The following TBC1D5 variants were observed in gnomAD, a reference collection of about 807,000 sequenced individuals.
TBC1D5 encodes the protein TBC1 domain family member 5, also known as TBC1 domain family, member 5.
A neutral mutation model predicts 100.3 loss-of-function variants in TBC1D5; 75 were observed. That is an observed-to-expected ratio of 0.75 (90% CI 0.62 to 0.91). TBC1D5 has a LOEUF of 0.91. Among genes scored for constraint, TBC1D5 ranks in the 40% least tolerant of loss-of-function variants. TBC1D5 has a pLI of 0.00. For missense variants in TBC1D5, 910 were observed against 942.4 expected (o/e 0.97, Z 0.45); for synonymous variants, 323 against 325.6 (o/e 0.99, Z 0.09).
intron 13 of TBC1D5, among the ~76,000 whole-genome samples, chr3:17,351,014 T>A (rs2090506839): frequency 6.6e-6 from 1 of 152,200 alleles, no homozygotes; most frequent in African/African-American, 2.4e-5. Flanking sequence ...AAAGCTCTAA[T>A]ATTCACATAA....
intron 2 of TBC1D5, among the ~76,000 whole-genome samples, chr3:17,551,995 A>C (rs2096478032): frequency 1.3e-5 from 2 of 152,084 alleles, no homozygotes; most frequent in Non-Finnish European, 2.9e-5. Flanking sequence ...TGTTGATACC[A>C]TCTTCAACAT....
At chr3:17,530,062 A>AC in intron 2 of TBC1D5, among the ~76,000 whole-genome samples, 1 of 151,960 alleles carries the variant, frequency 6.6e-6, no homozygotes, top group East Asian at 1.9e-4. Context: ...TGGCGAACAT[A>AC]GTGAAATCCC....
chr3:17,454,706 TGCCTCGGCATCCCAAA>T (rs1171852056), intron 3 of TBC1D5, among the ~76,000 whole-genome samples: 1 of 152,146 alleles, frequency 6.6e-6, no homozygotes, highest in African/African-American at 2.4e-5. Context: ...GTGATCCGCC[TGCCTCGGCATCCCAAA>T]GTATTGGGAT....
intron 8 of TBC1D5, among the ~76,000 whole-genome samples, chr3:17,399,417 A>G (rs1255952244): frequency 6.6e-6 from 1 of 152,154 alleles, no homozygotes; most frequent in East Asian, 1.9e-4. Flanking sequence ...TATGAATGTG[A>G]GAAAACTACA....
At chr3:17,209,671 G>A (rs2072702292) in intron 18 of TBC1D5, among the ~76,000 whole-genome samples, 1 of 152,106 alleles carries the variant, frequency 6.6e-6, no homozygotes. Context: ...CAGTTATAAG[G>A]TTTATCATAA....
At chr3:17,552,971 A>ATTTACCAG (rs2096486430) in intron 2 of TBC1D5, among the ~76,000 whole-genome samples, 1 of 152,184 alleles carries the variant, frequency 6.6e-6, no homozygotes, top group Admixed American at 6.5e-5. Flanking sequence ...TTTACTATTA[A>ATTTACCAG]TGTTTTAGCC....
chr3:17,698,837 CAT>C (rs2072620693), intron 1 of TBC1D5, among the ~76,000 whole-genome samples: 1 of 145,870 alleles, frequency 6.9e-6, no homozygotes, highest in Non-Finnish European at 1.5e-5. Flanking sequence ...ATCAAAACCA[CAT>C]GAGATATCAT....
At chr3:17,489,572 T>C (rs2095612689) in intron 3 of TBC1D5, among the ~76,000 whole-genome samples, 1 of 152,274 alleles carries the variant, frequency 6.6e-6, no homozygotes, top group African/African-American at 2.4e-5. Flanking sequence ...GATAAGAACA[T>C]CTACTGTTTG....
At chr3:17,614,279 G>C (rs573358823) in intron 2 of TBC1D5, among the ~76,000 whole-genome samples, 16 of 152,268 alleles carry the variant, frequency 1.1e-4, no homozygotes, top group African/African-American at 3.1e-4. Flanking sequence ...ATGCTGTTTT[G>C]GTTACTGTAG....
At chr3:17,370,434 C>A (rs1234794299) in intron 13 of TBC1D5, among the ~76,000 whole-genome samples, 12 of 152,094 alleles carry the variant, frequency 7.9e-5, no homozygotes, top group Non-Finnish European at 7.4e-5. Flanking sequence ...CTAGCTCTTT[C>A]AAATAAATTT....
At chr3:17,470,023 CTCAG>C (rs1253159532) in intron 3 of TBC1D5, among the ~76,000 whole-genome samples, 2 of 152,106 alleles carry the variant, frequency 1.3e-5, no homozygotes, top group Non-Finnish European at 1.5e-5. Context: ...AGCTGTGTCA[CTCAG>C]TCACTTATTT....
intron 18 of TBC1D5, among the ~76,000 whole-genome samples, chr3:17,202,654 G>A (rs1159789843): frequency 6.6e-6 from 1 of 152,254 alleles, no homozygotes; most frequent in Admixed American, 6.5e-5. Context: ...ACAAACCTGG[G>A]ACACTGCTCC....
intron 2 of TBC1D5, among the ~76,000 whole-genome samples, chr3:17,584,994 T>A (rs1373179031): frequency 6.6e-6 from 1 of 152,140 alleles, no homozygotes; most frequent in Non-Finnish European, 1.5e-5. Context: ...ATTTGCTATG[T>A]TGCCTAGACT....
intron 3 of TBC1D5, among the ~76,000 whole-genome samples, chr3:17,477,346 G>A (rs1285352145): frequency 2.6e-5 from 4 of 151,680 alleles, no homozygotes; most frequent in Non-Finnish European, 5.9e-5. Flanking sequence ...TTTTCATAAT[G>A]CTCTTGACTG....
intron 1 of TBC1D5, among the ~76,000 whole-genome samples, chr3:17,718,796 T>C (rs1257101378): frequency 6.6e-6 from 1 of 152,090 alleles, no homozygotes; most frequent in Non-Finnish European, 1.5e-5. Flanking sequence ...TAATTGATTT[T>C]TATAATACCA....
chr3:17,446,541 A>C (rs2094799385), intron 3 of TBC1D5, among the ~76,000 whole-genome samples: 1 of 152,192 alleles, frequency 6.6e-6, no homozygotes, highest in Admixed American at 6.5e-5. Context: ...GAACTTTTAA[A>C]ATCTAAGAGG....
At chr3:17,289,149 G>A (rs1459473989) in intron 15 of TBC1D5, among the ~76,000 whole-genome samples, 1 of 152,172 alleles carries the variant, frequency 6.6e-6, no homozygotes, top group East Asian at 1.9e-4. Context: ...TGCAAGCCCC[G>A]CATGGAGTCT....
At chr3:17,376,202 TG>T (rs2092701537) in intron 10 of TBC1D5, among the ~76,000 whole-genome samples, 1 of 152,124 alleles carries the variant, frequency 6.6e-6, no homozygotes. Context: ...TCATTGAGCA[TG>T]ATATATATGG....
chr3:17,380,751 C>T (rs2092914170), intron 9 of TBC1D5, among the ~76,000 whole-genome samples: 1 of 152,078 alleles, frequency 6.6e-6, no homozygotes, highest in South Asian at 2.1e-4. Context: ...TTCATTTAGC[C>T]CACCAAGCAG....
Sources: gnomAD v4.1 joint callset for allele counts (sites outside exome capture counted in the v4.1 genomes callset) on GRCh38, gnomAD v4.1.1 for gene constraint, MANE v1.5 for transcripts, NCBI Gene and HGNC (gene_info 2026-07-23, HGNC 2026-07-21) for gene names.